TAFA1: variants seen among roughly 807,000 people sequenced by gnomAD.
TAFA1 encodes chemokine-like protein TAFA-1.
Under a neutral mutation model 18.5 loss-of-function variants are expected in TAFA1, and 4 were observed. The observed-to-expected ratio is 0.22, with a 90% confidence interval of 0.11 to 0.49. The LOEUF is 0.49. Ranked by LOEUF, TAFA1 falls within the 20% of genes least tolerant of loss-of-function variation. The probability of loss-of-function intolerance (pLI) is 0.98; values close to 1 mark genes in which losing one functional copy is unlikely to be tolerated. For synonymous variants in TAFA1, 56 were observed against 55.2 expected (o/e 1.01, Z -0.06); for missense variants, 147 against 169.0 (o/e 0.87, Z 0.72).
At chr3:68,000,517 T>C (rs1704272153), upstream of TAFA1, among the ~76,000 whole-genome samples, 1 of 152,166 alleles carries the variant, frequency 6.6e-6, no homozygotes, top group Non-Finnish European at 1.5e-5. Context: ...TTGTAAGAGA[T>C]GAGGCTAGAG....
chr3:68,242,040 A>G (rs557659129), intron 2 of TAFA1, among the ~76,000 whole-genome samples: 1 of 152,280 alleles, frequency 6.6e-6, no homozygotes, highest in Admixed American at 6.5e-5. Context: ...CCTGACCAAC[A>G]CCTTGCCCTG....
intron 2 of TAFA1, among the ~76,000 whole-genome samples, chr3:68,139,203 A>G (rs1559534719): frequency 6.6e-6 from 1 of 152,210 alleles, no homozygotes; most frequent in Non-Finnish European, 1.5e-5. Flanking sequence ...TATCTCTTGC[A>G]AACATTGACA....
intron 2 of TAFA1, among the ~76,000 whole-genome samples, chr3:68,279,742 G>C (rs1376562525): frequency 1.3e-5 from 2 of 152,082 alleles, no homozygotes; most frequent in Non-Finnish European, 2.9e-5. Flanking sequence ...GTCATAATAT[G>C]GGCTTTGCTC....
intron 3 of TAFA1, among the ~76,000 whole-genome samples, chr3:68,495,998 C>T (rs1289958090): frequency 9.3e-6 from 1 of 107,538 alleles, no homozygotes; most frequent in East Asian, 2.8e-4. Context: ...TTCCCTGAAG[C>T]AAAAAAAAAA....
intron 2 of TAFA1, among the ~76,000 whole-genome samples, chr3:68,255,024 A>G (rs996814790): frequency 1.2e-4 from 18 of 152,166 alleles, no homozygotes; most frequent in Non-Finnish European, 2.2e-4. Flanking sequence ...CACTCAAAAG[A>G]TATTTGGTTT....
chr3:68,260,839 C>T (rs2067404035), intron 2 of TAFA1, among the ~76,000 whole-genome samples: 1 of 152,130 alleles, frequency 6.6e-6, no homozygotes, highest in Non-Finnish European at 1.5e-5. Context: ...CTAGGCAATA[C>T]CATTCAGGAC....
At chr3:68,448,253 T>C (rs1471183088) in intron 3 of TAFA1, among the ~76,000 whole-genome samples, 1 of 152,164 alleles carries the variant, frequency 6.6e-6, no homozygotes, top group African/African-American at 2.4e-5. Flanking sequence ...TTTGAATGCA[T>C]AAAGCAAAAA....
intron 2 of TAFA1, among the ~76,000 whole-genome samples, chr3:68,303,182 T>C (rs2068337477): frequency 6.6e-6 from 1 of 152,158 alleles, no homozygotes; most frequent in Non-Finnish European, 1.5e-5. Flanking sequence ...CACAGATAAA[T>C]ATTTCCAGAT....
chr3:68,393,630 C>A (rs1054295013), intron 2 of TAFA1, among the ~76,000 whole-genome samples: 1 of 152,126 alleles, frequency 6.6e-6, no homozygotes, highest in Admixed American at 6.5e-5. Flanking sequence ...TACTGACAGA[C>A]CGAATCCATC....
chr3:68,095,038 G>A (rs1425927953), intron 2 of TAFA1, among the ~76,000 whole-genome samples: 3 of 152,150 alleles, frequency 2.0e-5, no homozygotes, highest in African/African-American at 4.8e-5. Context: ...AATGGCCTGT[G>A]ACCCTCTCAG....
chr3:68,302,359 G>T (rs1365085664), intron 2 of TAFA1, among the ~76,000 whole-genome samples: 2 of 151,994 alleles, frequency 1.3e-5, no homozygotes, highest in Non-Finnish European at 2.9e-5. Context: ...TGTCCAGAAT[G>T]GCACTTCCCA....
chr3:68,066,078 TG>T (rs1438375651), intron 2 of TAFA1, among the ~76,000 whole-genome samples: 3 of 152,106 alleles, frequency 2.0e-5, no homozygotes, highest in African/African-American at 2.4e-5. Flanking sequence ...GGGAGGGGGT[TG>T]GATAGAGATT....
chr3:68,058,191 C>T (rs1197610057), intron 2 of TAFA1, among the ~76,000 whole-genome samples: 2 of 152,118 alleles, frequency 1.3e-5, no homozygotes, highest in Non-Finnish European at 2.9e-5. Flanking sequence ...ATCACTTACT[C>T]GCTATGTGGC....
At chr3:68,158,608 A>G (rs2065891213) in intron 2 of TAFA1, among the ~76,000 whole-genome samples, 1 of 152,074 alleles carries the variant, frequency 6.6e-6, no homozygotes, top group African/African-American at 2.4e-5. Context: ...AATATAAGGT[A>G]CAGTCATTGG....
intron 3 of TAFA1, among the ~76,000 whole-genome samples, chr3:68,514,752 G>C (rs1421449537): frequency 6.6e-6 from 1 of 150,984 alleles, no homozygotes; most frequent in Non-Finnish European, 1.5e-5. Context: ...AATATCATTA[G>C]AAAAAATCCT....
intron 3 of TAFA1, 84 bp downstream of exon 3, chr3:68,417,504 C>A: frequency 7.7e-7 from 1 of 1,304,954 alleles, no homozygotes; most frequent in South Asian, 1.5e-5. Flanking sequence ...TAATATGGTT[C>A]CAGATAATGA....
chr3:68,192,500 A>G (rs79982386), intron 2 of TAFA1: 2 of 192,952 alleles, frequency 1.0e-5, no homozygotes, highest in Admixed American at 9.6e-5. Flanking sequence ...TCATCATCCC[A>G]TTGAATGGAA....
chr3:68,161,392 A>G (rs73834866), intron 2 of TAFA1, among the ~76,000 whole-genome samples: 6,218 of 152,258 alleles, frequency 0.041, 148 homozygotes, highest in Middle Eastern at 0.082. Flanking sequence ...AACTGGCAGT[A>G]TCAGTGTCTC....
At chr3:68,154,321 C>T (rs937287696) in intron 2 of TAFA1, among the ~76,000 whole-genome samples, 12 of 152,174 alleles carry the variant, frequency 7.9e-5, no homozygotes, top group Admixed American at 6.5e-4. Flanking sequence ...GATCTACCTA[C>T]AAGATCCACC....
Sources: allele counts gnomAD v4.1 joint callset (sites outside exome capture counted in the v4.1 genomes callset), GRCh38; gene constraint gnomAD v4.1.1; transcripts MANE v1.5; gene names NCBI Gene and HGNC (gene_info 2026-07-23, HGNC 2026-07-21).